The following ASTN2 variants were observed in gnomAD, a reference collection of about 807,000 sequenced individuals.
The protein encoded by ASTN2 is astrotactin-2.
ASTN2 carries 54 observed loss-of-function variants against 139.8 expected under a neutral mutation model. The ratio of observed to expected loss-of-function variants is 0.39; its 90% CI spans 0.31 to 0.48. The LOEUF (loss-of-function observed/expected upper bound fraction) is 0.48, where lower values mean the gene tolerates loss of function less well. Among genes scored for constraint, ASTN2 ranks in the 20% least tolerant of loss-of-function variants. The pLI, the probability that ASTN2 is intolerant of heterozygous loss-of-function variation, is 0.95. For synonymous variants in ASTN2, 756 were observed against 719.5 expected, an observed-to-expected ratio of 1.05 and a Z score of -0.81; for missense variants, 1,565 against 1,725.1, an observed-to-expected ratio of 0.91 and a Z score of 1.64.
intron 2 of ASTN2, among the ~76,000 whole-genome samples, chr9:117,274,112 A>G (rs1342947179): frequency 2.0e-5 from 3 of 152,256 alleles, no homozygotes; most frequent in Middle Eastern, 3.4e-3. Context: ...GCACTTTGGG[A>G]GGCCAAGGCA....
At chr9:116,795,739 C>T (rs556907233) in intron 13 of ASTN2, among the ~76,000 whole-genome samples, 20 of 152,188 alleles carry the variant, frequency 1.3e-4, no homozygotes, top group African/African-American at 3.9e-4. Flanking sequence ...GCTCCTGGAA[C>T]TGGGGGGAAA....
At chr9:117,320,724 C>T (rs1225075400) in intron 1 of ASTN2, among the ~76,000 whole-genome samples, 1 of 152,112 alleles carries the variant, frequency 6.6e-6, no homozygotes, top group East Asian at 1.9e-4. Context: ...GTGCTAATTG[C>T]CTCTCTCATA....
At chr9:116,993,704 T>C (rs1384881071) in intron 7 of ASTN2, among the ~76,000 whole-genome samples, 1 of 147,850 alleles carries the variant, frequency 6.8e-6, no homozygotes, top group Non-Finnish European at 1.5e-5. Context: ...TGATAAAGTG[T>C]ATCATATATT....
At chr9:116,641,973 T>C (rs1422015268) in intron 17 of ASTN2, among the ~76,000 whole-genome samples, 1 of 151,832 alleles carries the variant, frequency 6.6e-6, no homozygotes, top group African/African-American at 2.4e-5. Context: ...TTAAGCTAGA[T>C]TATAGGAAGT....
intron 20 of ASTN2, among the ~76,000 whole-genome samples, chr9:116,477,461 C>T (rs2119039826): frequency 6.6e-6 from 1 of 152,132 alleles, no homozygotes; most frequent in African/African-American, 2.4e-5. Context: ...CACCCCCGTC[C>T]CTACTGAGCT....
At chr9:116,713,651 G>A (rs1418819637) in intron 16 of ASTN2, among the ~76,000 whole-genome samples, 1 of 152,220 alleles carries the variant, frequency 6.6e-6, no homozygotes, top group African/African-American at 2.4e-5. Flanking sequence ...ATAGTAAAAT[G>A]TAAATGGTAA....
At chr9:116,964,469 C>T (rs534441112) in intron 10 of ASTN2, among the ~76,000 whole-genome samples, 2 of 152,236 alleles carry the variant, frequency 1.3e-5, no homozygotes, top group South Asian at 4.1e-4. Context: ...CAGAGTGAGG[C>T]TTTCCAGGAA....
At chr9:116,667,387 C>T (rs1013168612) in intron 16 of ASTN2, among the ~76,000 whole-genome samples, 2 of 152,074 alleles carry the variant, frequency 1.3e-5, no homozygotes, top group Admixed American at 6.6e-5. Context: ...GCAATATACA[C>T]TGGGATATTT....
intron 10 of ASTN2, among the ~76,000 whole-genome samples, chr9:116,874,836 A>G (rs932939949): frequency 6.6e-6 from 1 of 152,082 alleles, no homozygotes; most frequent in African/African-American, 2.4e-5. Context: ...TATCAGTGCC[A>G]TTTTTCCAAC....
intron 19 of ASTN2, chr9:116,584,355 C>T: frequency 6.6e-6 from 1 of 152,060 alleles, no homozygotes. Flanking sequence ...ATTCTGATCT[C>T]TCACTGGACA....
intron 16 of ASTN2, among the ~76,000 whole-genome samples, chr9:116,655,468 AT>A (rs1485382001): frequency 6.6e-6 from 1 of 152,166 alleles, no homozygotes; most frequent in East Asian, 1.9e-4. Flanking sequence ...TGGATCTCTT[AT>A]TCTGTTCCTC....
chr9:116,461,769 A>C (rs1253843291), intron 20 of ASTN2, among the ~76,000 whole-genome samples: 1 of 152,152 alleles, frequency 6.6e-6, no homozygotes, highest in African/African-American at 2.4e-5. Context: ...TGTAGTAGGT[A>C]TGTCCAGTGA....
intron 13 of ASTN2, among the ~76,000 whole-genome samples, chr9:116,789,928 T>G (rs1347144463): frequency 8.2e-5 from 12 of 145,800 alleles, no homozygotes; most frequent in Middle Eastern, 3.4e-3. Context: ...CTCTTTTTTT[T>G]TTTTTTTTTT....
At chr9:116,672,684 AG>A in intron 16 of ASTN2, among the ~76,000 whole-genome samples, 1 of 152,202 alleles carries the variant, frequency 6.6e-6, no homozygotes, top group African/African-American at 2.4e-5. Flanking sequence ...TTTGCAGAGG[AG>A]GGAAGGGAAG....
intron 2 of ASTN2, among the ~76,000 whole-genome samples, chr9:117,257,837 T>C (rs1376867087): frequency 6.6e-6 from 1 of 152,226 alleles, no homozygotes; most frequent in African/African-American, 2.4e-5. Flanking sequence ...AAGAAGAGAT[T>C]TGTTGTAGTC....
At chr9:117,196,987 C>T (rs1564472322) in intron 3 of ASTN2, 1 of 152,116 alleles carries the variant, frequency 6.6e-6, no homozygotes, top group Non-Finnish European at 1.5e-5. Context: ...CCTTCTGATG[C>T]TGTGATTCTG....
At chr9:116,925,107 A>G (rs1269112218) in intron 10 of ASTN2, among the ~76,000 whole-genome samples, 2 of 152,222 alleles carry the variant, frequency 1.3e-5, no homozygotes. Flanking sequence ...TAAGTCTCAT[A>G]TACCCATATT....
intron 5 of ASTN2, among the ~76,000 whole-genome samples, chr9:117,083,791 T>A (rs1215642319): frequency 1.3e-5 from 2 of 152,138 alleles, no homozygotes; most frequent in Admixed American, 1.3e-4. Flanking sequence ...TGGTCTCCCA[T>A]TTGATTCCTG....
chr9:116,628,629 C>G (rs1237215800), intron 17 of ASTN2, among the ~76,000 whole-genome samples: 2 of 152,176 alleles, frequency 1.3e-5, no homozygotes, highest in Non-Finnish European at 1.5e-5. Flanking sequence ...TGAAAATACT[C>G]TGTGTGATAA....
Sources: allele counts gnomAD v4.1 joint callset (sites outside exome capture counted in the v4.1 genomes callset), GRCh38; gene constraint gnomAD v4.1.1; transcripts MANE v1.5; gene names NCBI Gene and HGNC (gene_info 2026-07-23, HGNC 2026-07-21).